Variants in TSHR observed in about 807,000 individuals in gnomAD.
TSHR encodes thyrotropin receptor.
TSHR carries 51 observed loss-of-function variants against 64.1 expected under a neutral mutation model. The ratio of observed to expected loss-of-function variants is 0.80; its 90% CI spans 0.64 to 1.01. The LOEUF (loss-of-function observed/expected upper bound fraction) is 1.01. TSHR is among the 50% of genes least tolerant of loss of function. The probability of loss-of-function intolerance (pLI) is 0.00; values close to 1 mark genes in which losing one functional copy is unlikely to be tolerated. For missense variants in TSHR, 877 were observed against 942.8 expected, an observed-to-expected ratio of 0.93 and a Z score of 0.91; for synonymous variants, 361 against 361.9, an observed-to-expected ratio of 1.00 and a Z score of 0.03.
At chr14:80,994,343 T>C (rs2139746444) in intron 1 of TSHR, 1 of 152,100 alleles carries the variant, frequency 6.6e-6, no homozygotes, top group South Asian at 2.1e-4. Context: ...AAACTACCTT[T>C]GACATTCTTC....
rs1368988688 is a variant in TSHR, at chr14:81,123,252, C to G, written c.692+14800C>G. ...AAGTAAGAAATGAACAAAGAAGAGT[C>G]CAGTCTCATTCCTGAACTTCCAAGC... is the stretch of plus-strand genomic sequence containing the variant. On this transcript the variant is annotated intron_variant, in intron 8 of 9. Coordinates refer to ENST00000298171, the MANE Select transcript of TSHR (RefSeq NM_000369.5). 2.0e-5 allele frequency among the ~76,000 whole-genome samples: 3 copies of G among 152,246 alleles called. No individual in the cohort carries two copies. The East Asian group carries it at 5.8e-4, about 29-fold the overall frequency.
intron 1 of TSHR, chr14:81,001,896 C>A (rs1889344288): frequency 5.0e-6 from 1 of 201,330 alleles, no homozygotes; most frequent in South Asian, 9.0e-5. Context: ...AACAGATGTT[C>A]CTTTCACCAA....
intron 2 of TSHR, among the ~76,000 whole-genome samples, chr14:81,066,535 T>C (rs934005870): frequency 6.6e-6 from 1 of 152,236 alleles, no homozygotes; most frequent in African/African-American, 2.4e-5. Flanking sequence ...AGAGCCATTA[T>C]AATACTCATA....
chr14:80,993,177 A>G (rs1888834461), intron 1 of TSHR: 1 of 152,172 alleles, frequency 6.6e-6, no homozygotes, highest in Non-Finnish European at 1.5e-5. Context: ...TGTACTCCCA[A>G]ATTTGATTAT....
chr14:81,006,248 G>A (rs1207177999), intron 1 of TSHR, among the ~76,000 whole-genome samples: 2 of 152,176 alleles, frequency 1.3e-5, no homozygotes, highest in Non-Finnish European at 2.9e-5. Flanking sequence ...CCCACAGACT[G>A]GGTGGCTTAA....
At chr14:81,001,977 T>C (rs954027779) in intron 1 of TSHR, among the ~76,000 whole-genome samples, 2 of 152,134 alleles carry the variant, frequency 1.3e-5, no homozygotes, top group African/African-American at 2.4e-5. Context: ...ACACAGTTCC[T>C]TAAACACAAG....
At chr14:81,131,333 T>C (rs1221901386) in intron 8 of TSHR, among the ~76,000 whole-genome samples, 1 of 152,218 alleles carries the variant, frequency 6.6e-6, no homozygotes, top group Non-Finnish European at 1.5e-5. Flanking sequence ...ATCCTTTCTA[T>C]TTTTGATCTC....
intron 3 of TSHR, among the ~76,000 whole-genome samples, chr14:81,078,152 C>T (rs1887633015): frequency 6.6e-6 from 1 of 151,814 alleles, no homozygotes; most frequent in South Asian, 2.1e-4. Flanking sequence ...TGTCCATGCC[C>T]TTCTGTAGGT....
At chr14:81,036,243 G>A (rs1461352930) in intron 1 of TSHR, among the ~76,000 whole-genome samples, 1 of 152,106 alleles carries the variant, frequency 6.6e-6, no homozygotes, top group Non-Finnish European at 1.5e-5. Context: ...GAAGCACAAA[G>A]GATCCCAAAC....
intron 1 of TSHR, among the ~76,000 whole-genome samples, chr14:81,043,509 C>A (rs911779397): frequency 3.9e-5 from 6 of 152,144 alleles, no homozygotes; most frequent in African/African-American, 1.2e-4. Context: ...GGTCATACTG[C>A]CCAAAGTAAT....
chr14:80,961,959 TC>T (rs1391733655), intron 1 of TSHR, among the ~76,000 whole-genome samples: 1 of 152,192 alleles, frequency 6.6e-6, no homozygotes, highest in African/African-American at 2.4e-5. Context: ...TTTGAAAACA[TC>T]TATTATATTA....
chr14:81,004,364 T>C (rs570709373), intron 1 of TSHR, among the ~76,000 whole-genome samples: 1 of 152,284 alleles, frequency 6.6e-6, no homozygotes, highest in South Asian at 2.1e-4. Flanking sequence ...GAATATTTCT[T>C]AGACATGTAC....
rs564555823 is a variant in TSHR, at chr14:81,053,589, T to C, written c.171-8559T>C. ...ACCAGGTGTTGGTGAGGATGTAGAG[T>C]TGACTGGAACTCCTATAGATCACTG... On this transcript the variant is annotated intron_variant, in intron 1 of 9. Coordinates refer to ENST00000298171, the MANE Select transcript of TSHR (RefSeq NM_000369.5). 8 of 152,236 alleles carry C rather than the reference T, an allele frequency of 5.3e-5. No homozygotes were observed. The South Asian group carries it at 1.7e-3, about 32-fold the overall frequency. The allele number at this position is 152,236 out of a possible 1,614,324, so 9.4% of individuals were successfully genotyped here. A position where few individuals can be genotyped will look rare whatever the true frequency, so the allele number is the denominator to read the frequency against.
At chr14:80,987,374 C>A (rs930072113) in intron 1 of TSHR, among the ~76,000 whole-genome samples, 1 of 152,176 alleles carries the variant, frequency 6.6e-6, no homozygotes, top group African/African-American at 2.4e-5. Flanking sequence ...GATTACTTCC[C>A]GGTGACTCCC....
At chr14:81,138,268 G>A (rs1891535987) in intron 8 of TSHR, among the ~76,000 whole-genome samples, 1 of 144,804 alleles carries the variant, frequency 6.9e-6, no homozygotes, top group Non-Finnish European at 1.5e-5. Flanking sequence ...TCAGCTCACT[G>A]CAACTTCCGC....
rs531692698 is a variant in TSHR, at chr14:81,104,195, A to G, written c.615-4180A>G. 3 of 985,462 alleles carry G rather than the reference A, an allele frequency of 3.0e-6. No individual in the cohort carries two copies. The African/African-American group carries it at 5.2e-5, about 17-fold the overall frequency. The allele number at this position is 985,462 out of a possible 1,614,324, so 61.0% of individuals were successfully genotyped here. Reference sequence around the variant, plus strand: ...ACAAACAGCTGTCCTGATTTCTGCTACAAAAGGATTTCCATAGAGCAATCC... The same window carrying G: ...ACAAACAGCTGTCCTGATTTCTGCTGCAAAAGGATTTCCATAGAGCAATCC... On this transcript the variant is annotated intron_variant, in intron 7 of 9. Coordinates refer to ENST00000298171, the MANE Select transcript of TSHR (RefSeq NM_000369.5).
intron 1 of TSHR, chr14:81,051,732 T>G (rs1020993654): frequency 6.6e-6 from 1 of 152,200 alleles, no homozygotes; most frequent in South Asian, 2.1e-4. Flanking sequence ...ACAGCCATAC[T>G]TACAGGTGCA....
At chr14:81,032,924 A>C (rs1884423925) in intron 1 of TSHR, 1 of 357,492 alleles carries the variant, frequency 2.8e-6, no homozygotes, top group Admixed American at 3.5e-5. Context: ...CCATGAGCTG[A>C]ACAAAGACAA....
intron 1 of TSHR, chr14:81,001,577 C>A: frequency 1.9e-6 from 1 of 526,100 alleles, no homozygotes; most frequent in Non-Finnish European, 3.8e-6. Context: ...TCCAGCCCCA[C>A]TGCTTGGCCT....
Sources: allele counts gnomAD v4.1 joint callset (sites outside exome capture counted in the v4.1 genomes callset), GRCh38; gene constraint gnomAD v4.1.1; transcripts MANE v1.5; gene names NCBI Gene and HGNC (gene_info 2026-07-23, HGNC 2026-07-21).